The following GATAD2B variants were observed in gnomAD, a reference collection of about 807,000 sequenced individuals.
The protein encoded by GATAD2B is GATA zinc finger domain containing 2B, also known as transcriptional repressor p66-beta.
Under a neutral mutation model 64.3 loss-of-function variants are expected in GATAD2B, and 8 were observed. The observed-to-expected ratio is 0.12, with a 90% CI of 0.07 to 0.22. GATAD2B has a LOEUF of 0.22. GATAD2B is among the 10% of genes least tolerant of loss of function. The pLI, the probability that GATAD2B is intolerant of heterozygous loss-of-function variation, is 1.00. For missense variants in GATAD2B, 453 were observed against 752.0 expected, an observed-to-expected ratio of 0.60 and a Z score of 4.65; for synonymous variants, 281 against 271.3, an observed-to-expected ratio of 1.04 and a Z score of -0.35.
At chr1:153,892,671 T>A (rs187645769) in intron 1 of GATAD2B, among the ~76,000 whole-genome samples, 39 of 150,622 alleles carry the variant, frequency 2.6e-4, no homozygotes, top group African/African-American at 8.8e-4. Flanking sequence ...TTAGACAGTA[T>A]CCAGTAGACT....
rs1191297367 is a variant in GATAD2B at position 153,807,454 on chromosome 1, CTA to C, written c.*2721_*2722del. The C allele has an allele frequency of 6.6e-6, 1 of 152,160 alleles. No homozygotes were observed. 9.4% of individuals were successfully genotyped at this position (152,160 alleles called of 1,614,324 possible). A position where few individuals can be genotyped will look rare whatever the true frequency, so the allele number is the denominator to read the frequency against. On this transcript the variant is annotated 3_prime_UTR_variant, in exon 11 of 11. Coordinates refer to ENST00000368655, the MANE Select transcript of GATAD2B (RefSeq NM_020699.4). ...GATTAGGGAGACCTCACCTCCATCA[CTA>C]ATCCCTGGGAAGAGTATGAAAATGG...
intron 1 of GATAD2B, among the ~76,000 whole-genome samples, chr1:153,833,893 G>A (rs1288532205): frequency 6.6e-6 from 1 of 151,748 alleles, no homozygotes; most frequent in Non-Finnish European, 1.5e-5. Context: ...TAATTCCAGT[G>A]CTTTCGAGGC....
intron 1 of GATAD2B, among the ~76,000 whole-genome samples, chr1:153,837,996 A>C (rs960655603): frequency 6.6e-6 from 1 of 152,094 alleles, no homozygotes; most frequent in Non-Finnish European, 1.5e-5. Flanking sequence ...TTTTTTCTCC[A>C]TTCCAGTTGG....
intron 2 of GATAD2B, among the ~76,000 whole-genome samples, chr1:153,822,919 C>T (rs1481278279): frequency 6.6e-6 from 1 of 151,946 alleles, no homozygotes; most frequent in Non-Finnish European, 1.5e-5. Flanking sequence ...TAGGCCCAAG[C>T]GATCCTCCCA....
chr1:153,857,098 T>C (rs1676109839), intron 1 of GATAD2B, among the ~76,000 whole-genome samples: 1 of 151,424 alleles, frequency 6.6e-6, no homozygotes, highest in African/African-American at 2.4e-5. Flanking sequence ...TGCTTTATAA[T>C]TCCTTATAAA....
In GATAD2B at chr1:153,810,032, C is replaced by T; in HGVS notation, c.*145G>A. On this transcript the variant is annotated 3_prime_UTR_variant, in exon 11 of 11. Coordinates refer to ENST00000368655, the MANE Select transcript of GATAD2B (RefSeq NM_020699.4). ...GCAGGGCGTGTGTTTTCTTGCTGAT[C>T]TCTATTTTTTGTCTTCTGTTTTTCT... The T allele has an allele frequency of 1.4e-6, 1 of 737,430 alleles. No individual in the cohort carries two copies. Among genetic ancestry groups the T allele is most frequent in the Non-Finnish European group, 2.2e-6 (1 of 452,386 alleles). The allele number at this position is 737,430 out of a possible 1,614,324, so 45.7% of individuals were successfully genotyped here.
chr1:153,872,225 A>C (rs1203752211), intron 1 of GATAD2B, among the ~76,000 whole-genome samples: 4 of 148,704 alleles, frequency 2.7e-5, no homozygotes, highest in Non-Finnish European at 5.9e-5. Flanking sequence ...AAGCTGAGGC[A>C]GGAGAATCAC....
At chr1:153,911,407 G>C (rs930291513) in intron 1 of GATAD2B, among the ~76,000 whole-genome samples, 1 of 152,162 alleles carries the variant, frequency 6.6e-6, no homozygotes, top group Non-Finnish European at 1.5e-5. Context: ...TTACTAAGCA[G>C]TGCATCAACA....
At chr1:153,883,991 C>T (rs1363570079) in intron 1 of GATAD2B, among the ~76,000 whole-genome samples, 2 of 152,180 alleles carry the variant, frequency 1.3e-5, no homozygotes, top group African/African-American at 4.8e-5. Context: ...GAGGTGAAAA[C>T]TAAATTTAAA....
At chr1:153,921,092 T>C (rs1230817213) in intron 1 of GATAD2B, among the ~76,000 whole-genome samples, 1 of 152,144 alleles carries the variant, frequency 6.6e-6, no homozygotes, top group Non-Finnish European at 1.5e-5. Context: ...AATACTACTC[T>C]AGGACAATAC....
intron 7 of GATAD2B, among the ~76,000 whole-genome samples, chr1:153,815,290 A>AC (rs1674435567): frequency 2.1e-5 from 3 of 145,572 alleles, no homozygotes; most frequent in Admixed American, 6.8e-5. Flanking sequence ...CAAAAAAAAA[A>AC]AACAAAAAAA....
intron 1 of GATAD2B, among the ~76,000 whole-genome samples, chr1:153,902,043 G>A (rs1351665854): frequency 6.6e-6 from 1 of 150,948 alleles, no homozygotes; most frequent in Non-Finnish European, 1.5e-5. Context: ...CACTTTGGGA[G>A]GCTGAGGCAG....
intron 1 of GATAD2B, chr1:153,886,312 A>C (rs1174851217): frequency 6.6e-6 from 1 of 152,200 alleles, no homozygotes; most frequent in Non-Finnish European, 1.5e-5. Flanking sequence ...CCTAGGCTAT[A>C]AACCTATATA....
intron 1 of GATAD2B, chr1:153,921,900 T>C (rs1678445922): frequency 6.6e-6 from 1 of 152,150 alleles, no homozygotes; most frequent in African/African-American, 2.4e-5. Flanking sequence ...TGCACTCGCA[T>C]GAGTGGCTCG....
intron 1 of GATAD2B, among the ~76,000 whole-genome samples, chr1:153,888,547 A>C (rs949537682): frequency 5.3e-5 from 8 of 152,150 alleles, no homozygotes; most frequent in African/African-American, 1.9e-4. Flanking sequence ...TTGCAGGGGG[A>C]CCAAGTTCTT....
chr1:153,819,724 C>A lies in GATAD2B; in HGVS notation c.347G>T (p.Arg116Leu). The A allele has an allele frequency of 6.2e-7, 1 of 1,603,044 alleles. No individual in the cohort carries two copies. Among genetic ancestry groups the A allele is most frequent in the Non-Finnish European group, 8.5e-7 (1 of 1,175,716 alleles). Residue 116 changes from arginine (R) to leucine (L), a missense_variant, in exon 3 of 11, where the codon CGA becomes CTA. This residue lies in a region of GATAD2B where 293 missense variants were observed against 417.2 expected (regional missense o/e 0.70). Transcript: ENST00000368655. Reference sequence around the variant, plus strand: ...GTCTGGTGAGGGAGTTAGCCTTCCTCGCTCTGGCTCACTAGACAAGAAAGG... The same window carrying A: ...GTCTGGTGAGGGAGTTAGCCTTCCTAGCTCTGGCTCACTAGACAAGAAAGG... The part of the protein sequence containing the change: ...DMSARRSEPE[R>L]GRLTPSPDII...
rs1674132987 is a variant in GATAD2B at position 153,807,068 on chromosome 1, A to G, written c.*3109T>C. On this transcript the variant is annotated 3_prime_UTR_variant, in exon 11 of 11. Transcript: ENST00000368655. ...TATAAAATAAAATCGACAAATAAGA[A>G]CCTCTGTCCCCTAGTTTTACTCAAG... The G allele has an allele frequency of 6.6e-6, 1 of 152,000 alleles. No homozygotes were observed. The highest frequency in any genetic ancestry group is 2.4e-5 in the African/African-American group (1 of 41,348). 9.4% of individuals were successfully genotyped at this position (152,000 alleles called of 1,614,324 possible).
At chr1:153,867,427 T>C (rs1676515026) in intron 1 of GATAD2B, among the ~76,000 whole-genome samples, 1 of 152,100 alleles carries the variant, frequency 6.6e-6, no homozygotes, top group Non-Finnish European at 1.5e-5. Context: ...GAGGAGTGTC[T>C]GGACTCAGGA....
intron 1 of GATAD2B, among the ~76,000 whole-genome samples, chr1:153,912,913 T>C (rs971944643): frequency 2.6e-5 from 4 of 150,966 alleles, no homozygotes; most frequent in Admixed American, 1.3e-4. Flanking sequence ...GCCAACATGG[T>C]GAAACCCTGT....
Sources: allele counts gnomAD v4.1 joint callset (sites outside exome capture counted in the v4.1 genomes callset), GRCh38; gene constraint gnomAD v4.1.1; regional missense constraint gnomAD v4.1.1; transcripts MANE v1.5; gene names NCBI Gene and HGNC (gene_info 2026-07-23, HGNC 2026-07-21).